RHOU: variants seen among roughly 807,000 people sequenced by gnomAD.
The protein encoded by RHOU is rho-related GTP-binding protein RhoU.
Under a neutral mutation model 12.6 loss-of-function variants are expected in RHOU, and 8 were observed. That is an observed-to-expected ratio of 0.64 (90% confidence interval 0.37 to 1.15). The LOEUF is 1.15. Ranked by LOEUF, RHOU falls within the 50% of genes most tolerant of loss-of-function variation. The pLI is 0.01. For synonymous variants in RHOU, 161 were observed against 147.4 expected, an observed-to-expected ratio of 1.09 and a Z score of -0.67; for missense variants, 258 against 347.0, an observed-to-expected ratio of 0.74 and a Z score of 2.04.
the RHOU span, among the ~76,000 whole-genome samples, chr1:228,725,818 G>A: frequency 7.9e-5 from 12 of 152,168 alleles, no homozygotes; most frequent in Non-Finnish European, 1.3e-4. Flanking sequence ...ATTGTTTAAC[G>A]AGTCTTGGAG....
At chr1:228,698,047 G>A in the RHOU span, among the ~76,000 whole-genome samples, 1 of 152,012 alleles carries the variant, frequency 6.6e-6, no homozygotes, top group African/African-American at 2.4e-5. Flanking sequence ...TTTTTATTTG[G>A]TAGAACATGC....
chr1:228,651,640 G>A, the RHOU span, among the ~76,000 whole-genome samples: 2 of 152,198 alleles, frequency 1.3e-5, no homozygotes, highest in Non-Finnish European at 2.9e-5. Context: ...TCAAGGGACT[G>A]CCCAGTCCTT....
chr1:228,709,349 A>G, the RHOU span, among the ~76,000 whole-genome samples: 4 of 145,280 alleles, frequency 2.8e-5, no homozygotes, highest in Non-Finnish European at 4.6e-5. Context: ...AAATCAACAG[A>G]ATATACATTT....
chr1:228,673,083 C>A, the RHOU span, among the ~76,000 whole-genome samples: 1 of 152,096 alleles, frequency 6.6e-6, no homozygotes, highest in Non-Finnish European at 1.5e-5. Flanking sequence ...GCCCCAAATG[C>A]AAATGTTTTA....
At chr1:228,721,296 G>A in the RHOU span, among the ~76,000 whole-genome samples, 4 of 151,978 alleles carry the variant, frequency 2.6e-5, no homozygotes, top group East Asian at 1.9e-4. Context: ...AGATTCCATC[G>A]CAAAAAATAA....
chr1:228,736,814 CT>C (rs1239027559), intron 1 of RHOU, among the ~76,000 whole-genome samples: 1 of 151,002 alleles, frequency 6.6e-6, no homozygotes, highest in African/African-American at 2.4e-5. Flanking sequence ...GTATGAAACA[CT>C]TAACTGTCTT....
the RHOU span, among the ~76,000 whole-genome samples, chr1:228,677,443 A>G: frequency 6.6e-6 from 1 of 152,140 alleles, no homozygotes; most frequent in Non-Finnish European, 1.5e-5. Context: ...GTTGTCATAT[A>G]CCAGGCCAGA....
At chr1:228,713,441 T>G in the RHOU span, among the ~76,000 whole-genome samples, 1 of 152,174 alleles carries the variant, frequency 6.6e-6, no homozygotes, top group Admixed American at 6.5e-5. Flanking sequence ...TCTGTAATTC[T>G]TTGTACTATC....
chr1:228,657,259 G>A, the RHOU span, among the ~76,000 whole-genome samples: 2 of 86,940 alleles, frequency 2.3e-5, no homozygotes, highest in African/African-American at 4.7e-5. Context: ...CCTGGGCAAC[G>A]AGAGCAAAAA....
At chr1:228,675,489 A>G in the RHOU span, among the ~76,000 whole-genome samples, 1,651 of 152,286 alleles carry the variant, frequency 0.011, 19 homozygotes, top group African/African-American at 0.038. Context: ...TGTCTTTCCC[A>G]TAGTGACTCT....
the RHOU span, among the ~76,000 whole-genome samples, chr1:228,684,406 G>A: frequency 7.1e-3 from 1,082 of 152,218 alleles, 2 homozygotes; most frequent in Non-Finnish European, 0.011. Context: ...CTGGCACATT[G>A]CAACCTCCAC....
At chr1:228,741,570 T>G (rs997523662) in intron 2 of RHOU, among the ~76,000 whole-genome samples, 5 of 152,200 alleles carry the variant, frequency 3.3e-5, no homozygotes, top group African/African-American at 1.2e-4. Flanking sequence ...GAGCATTCCA[T>G]TAAAAGATCT....
the RHOU span, among the ~76,000 whole-genome samples, chr1:228,707,251 ATATAGTGTGTGTGTGTGTGTGTGTGT>A: frequency 2.1e-5 from 2 of 96,636 alleles, no homozygotes; most frequent in African/African-American, 5.8e-5. Flanking sequence ...ATATATATAT[ATATAGTGTGTGTGTGTGTGTGTGTGT>A]GTGTGTGTGT....
the RHOU span, among the ~76,000 whole-genome samples, chr1:228,725,712 C>T: frequency 1.5e-4 from 23 of 152,130 alleles, no homozygotes; most frequent in Non-Finnish European, 2.6e-4. Flanking sequence ...ATTTTTAATG[C>T]AATTTAAGAC....
At chr1:228,702,544 C>T in the RHOU span, among the ~76,000 whole-genome samples, 1 of 152,066 alleles carries the variant, frequency 6.6e-6, no homozygotes, top group South Asian at 2.1e-4. Context: ...TGTCTGGACC[C>T]CAGAATCCAG....
the RHOU span, among the ~76,000 whole-genome samples, chr1:228,711,137 C>A: frequency 4.0e-5 from 6 of 151,498 alleles, no homozygotes; most frequent in African/African-American, 1.5e-4. Flanking sequence ...AACTAAAAAC[C>A]ACTGCTCAAG....
the RHOU span, among the ~76,000 whole-genome samples, chr1:228,683,745 G>A: frequency 6.6e-6 from 1 of 152,360 alleles, no homozygotes; most frequent in South Asian, 2.1e-4. Flanking sequence ...GCCAATATGA[G>A]TGATGGCAGC....
the RHOU span, among the ~76,000 whole-genome samples, chr1:228,648,189 C>G: frequency 6.6e-6 from 1 of 152,368 alleles, no homozygotes; most frequent in South Asian, 2.1e-4. Context: ...TACGCCCAAG[C>G]ACCGTTGCCC....
the RHOU span, among the ~76,000 whole-genome samples, chr1:228,671,584 G>A: frequency 1.3e-5 from 2 of 151,694 alleles, no homozygotes; most frequent in African/African-American, 4.8e-5. Flanking sequence ...CAGCATGGTG[G>A]TGGGTGCCTG....
Sources: gnomAD v4.1 joint callset for allele counts (sites outside exome capture counted in the v4.1 genomes callset) on GRCh38, gnomAD v4.1.1 for gene constraint, MANE v1.5 for transcripts, NCBI Gene and HGNC (gene_info 2026-07-23, HGNC 2026-07-21) for gene names.